The following BCAS3 variants were observed in gnomAD, a reference collection of about 807,000 sequenced individuals.
The protein encoded by BCAS3 is BCAS3 microtubule associated cell migration factor, also known as BCAS4/BCAS3 fusion.
A neutral mutation model predicts 116.1 loss-of-function variants in BCAS3; 53 were observed. The observed-to-expected ratio is 0.46, with a 90% CI of 0.37 to 0.57. The LOEUF is 0.57. BCAS3 is among the 20% of genes least tolerant of loss of function. The pLI is 0.00. For synonymous variants in BCAS3, 391 were observed against 408.2 expected (o/e 0.96, Z 0.51); for missense variants, 917 against 1,165.4 (o/e 0.79, Z 3.10).
intron 22 of BCAS3, among the ~76,000 whole-genome samples, chr17:61,166,964 C>T (rs1023105515): frequency 6.6e-6 from 1 of 152,148 alleles, no homozygotes; most frequent in Admixed American, 6.5e-5. Flanking sequence ...CCAGGCTGGT[C>T]TCCAACTCCT....
chr17:61,190,526 C>CAAAAAA (rs71148387), intron 22 of BCAS3, among the ~76,000 whole-genome samples: 11 of 43,872 alleles, frequency 2.5e-4, no homozygotes, highest in African/African-American at 7.3e-4. Flanking sequence ...GACTCCATCT[C>CAAAAAA]AAAAAAAAAA....
chr17:60,933,011 C>T (rs1230635443), intron 13 of BCAS3, among the ~76,000 whole-genome samples: 3 of 151,832 alleles, frequency 2.0e-5, no homozygotes, highest in Non-Finnish European at 2.9e-5. Flanking sequence ...CTCATCTCTA[C>T]TAAAAATACA....
At chr17:61,110,916 C>T (rs2075041513) in intron 22 of BCAS3, among the ~76,000 whole-genome samples, 1 of 152,208 alleles carries the variant, frequency 6.6e-6, no homozygotes. Flanking sequence ...AGACTGCCTC[C>T]TCAAGTGGGT....
chr17:61,094,633 A>G (rs969102263), intron 22 of BCAS3, among the ~76,000 whole-genome samples: 1 of 152,284 alleles, frequency 6.6e-6, no homozygotes, highest in Admixed American at 6.5e-5. Flanking sequence ...GGATCACCTG[A>G]GGTTAGTTCA....
At chr17:60,679,279 C>T (rs1235594242) in intron 1 of BCAS3, among the ~76,000 whole-genome samples, 174 bp from the exon 2 acceptor site, 1 of 152,046 alleles carries the variant, frequency 6.6e-6, no homozygotes, top group Non-Finnish European at 1.5e-5. Context: ...AAATTAAAAA[C>T]CTACTTCCTC....
chr17:60,871,846 G>A (rs1056008330), intron 8 of BCAS3, among the ~76,000 whole-genome samples: 6 of 151,596 alleles, frequency 4.0e-5, no homozygotes, highest in Non-Finnish European at 5.9e-5. Context: ...ATTATGCCTT[G>A]TCTGTTTTTT....
chr17:60,913,950 G>A (rs1278615704), intron 12 of BCAS3, among the ~76,000 whole-genome samples: 2 of 152,104 alleles, frequency 1.3e-5, no homozygotes, highest in South Asian at 2.1e-4. Context: ...CTTTTTACAC[G>A]TTTATATAAT....
Position 61,029,607 on chromosome 17 carries a change from A to T in BCAS3, c.1638-5059A>T, listed in dbSNP as rs560340604. ...TGTATCAAGCTCTGAATTTGCATGTAGTGTTGTATTTAAGCTACTGTTATT... is the reference window on the plus strand; with the variant it reads ...TGTATCAAGCTCTGAATTTGCATGTTGTGTTGTATTTAAGCTACTGTTATT... On this transcript the variant is annotated intron_variant, in intron 16 of 23. Transcript: ENST00000407086. This position sits in a 1 kb window ranked among gnomAD's most constrained non-coding sequence, Gnocchi z 5.2. Among the ~76,000 whole-genome samples, 19 of 152,138 alleles carry T rather than the reference A, an allele frequency of 1.2e-4. No homozygotes were observed. The highest frequency in any genetic ancestry group is 4.6e-4 in the African/African-American group (19 of 41,566).
At chr17:60,959,044 G>T (rs1389143378) in intron 14 of BCAS3, among the ~76,000 whole-genome samples, 4 of 152,134 alleles carry the variant, frequency 2.6e-5, no homozygotes, top group African/African-American at 4.8e-5. Flanking sequence ...GTTGGACACA[G>T]TTATAATTCC....
chr17:61,110,163 A>C (rs1012097152), intron 22 of BCAS3, among the ~76,000 whole-genome samples: 3 of 152,212 alleles, frequency 2.0e-5, no homozygotes. Flanking sequence ...ATTCTTCTAC[A>C]TGTGGCTTGC....
rs1010122856 is a variant in BCAS3, at chr17:61,073,360, C to T, written c.2030-1560C>T. ...GTAATTCACTGAATTAGCATTTCTC[C>T]TCTTGCAGCAAGTTAAGATAAGCTT... On this transcript the variant is annotated intron_variant, in intron 19 of 23. Coordinates refer to ENST00000407086, the MANE Select transcript of BCAS3 (RefSeq NM_017679.5). This position sits in a 1 kb window ranked among gnomAD's most constrained non-coding sequence, Gnocchi z 4.6. Among the ~76,000 whole-genome samples, 2 of 152,194 alleles carry T rather than the reference C, an allele frequency of 1.3e-5. No individual in the cohort carries two copies. Among genetic ancestry groups the T allele is most frequent in the Admixed American group, 6.5e-5 (1 of 15,280 alleles).
chr17:60,794,296 G>A (rs1425035024), intron 6 of BCAS3, among the ~76,000 whole-genome samples: 2 of 152,010 alleles, frequency 1.3e-5, no homozygotes, highest in African/African-American at 4.8e-5. Context: ...TGTAGATTCT[G>A]GATATTAGCC....
At chr17:60,718,914 T>G (rs899264980) in intron 5 of BCAS3, among the ~76,000 whole-genome samples, 2 of 151,984 alleles carry the variant, frequency 1.3e-5, no homozygotes, top group Non-Finnish European at 2.9e-5. Flanking sequence ...ACAAAAAAAT[T>G]AGCCAGGCAT....
In BCAS3 at chr17:61,376,188, C is replaced by A. The variant is rs1429566572; in HGVS notation, c.2593+7694C>A. On this transcript the variant is annotated intron_variant, in intron 23 of 23. Transcript: ENST00000407086. This position sits in a 1 kb window ranked among gnomAD's most constrained non-coding sequence, Gnocchi z 4.5. ...GTGACATTTACATGTGTTATGTGGG[C>A]CTCTCAGGTCCCTTTCCCAAACCTG... Among the ~76,000 whole-genome samples, 1 of 152,150 alleles carries A rather than the reference C, an allele frequency of 6.6e-6. No homozygotes were observed. The highest frequency in any genetic ancestry group is 1.5e-5 in the Non-Finnish European group (1 of 68,010).
Position 61,251,917 on chromosome 17 carries a change from A to G in BCAS3, c.2426-116410A>G, listed in dbSNP as rs917130011. Among the ~76,000 whole-genome samples, 2 of 152,236 alleles carry G rather than the reference A, an allele frequency of 1.3e-5. No homozygotes were observed. The highest frequency in any genetic ancestry group is 4.8e-5 in the African/African-American group (2 of 41,450). ...AAGATCCCAAATATGTGAGCCTTCT[A>G]TCAAGCTTGATCTCAAGGAACTTTA... On this transcript the variant is annotated intron_variant, in intron 22 of 23. Coordinates refer to ENST00000407086, the MANE Select transcript of BCAS3 (RefSeq NM_017679.5). This position sits in a 1 kb window ranked among gnomAD's most constrained non-coding sequence, Gnocchi z 4.7.
chr17:60,897,313 C>T (rs570410872), intron 10 of BCAS3, among the ~76,000 whole-genome samples: 1 of 152,228 alleles, frequency 6.6e-6, no homozygotes, highest in South Asian at 2.1e-4. Context: ...TGTGACTAGA[C>T]ACGATTTTTT....
chr17:61,301,002 C>A (rs1602522987), intron 22 of BCAS3, among the ~76,000 whole-genome samples: 1 of 152,102 alleles, frequency 6.6e-6, no homozygotes, highest in Admixed American at 6.6e-5. Flanking sequence ...ATTTTAAATG[C>A]CCACACATTT....
At chr17:61,070,220 A>G (rs538774120) in intron 19 of BCAS3, 50 of 1,555,598 alleles carry the variant, frequency 3.2e-5, no homozygotes, top group African/African-American at 1.5e-4. Context: ...AAGAAGCTCT[A>G]TGACATTGAT....
intron 22 of BCAS3, among the ~76,000 whole-genome samples, chr17:61,150,427 G>T (rs1165761202): frequency 6.6e-6 from 1 of 152,156 alleles, no homozygotes. Context: ...GCTTATTTAT[G>T]ACTTACTGAA....
Sources: allele counts gnomAD v4.1 joint callset (sites outside exome capture counted in the v4.1 genomes callset), GRCh38; gene constraint gnomAD v4.1.1; non-coding constraint Gnocchi (gnomAD v3.1); transcripts MANE v1.5; gene names NCBI Gene and HGNC (gene_info 2026-07-23, HGNC 2026-07-21).